Variants in MBOAT2 observed in about 807,000 individuals in gnomAD.
MBOAT2 encodes the protein membrane-bound glycerophospholipid O-acyltransferase 2.
Under a neutral mutation model 63.4 loss-of-function variants are expected in MBOAT2, and 28 were observed. The ratio of observed to expected loss-of-function variants is 0.44; its 90% CI spans 0.33 to 0.61. The LOEUF is 0.61. MBOAT2 is among the 20% of genes least tolerant of loss of function. MBOAT2 has a pLI of 0.03. For missense variants in MBOAT2, 470 were observed against 605.8 expected (o/e 0.78, Z 2.35); for synonymous variants, 211 against 215.6 (o/e 0.98, Z 0.19).
chr2:8,938,408 C>G (rs1353638889), intron 3 of MBOAT2, among the ~76,000 whole-genome samples: 1 of 152,150 alleles, frequency 6.6e-6, no homozygotes, highest in African/African-American at 2.4e-5. Flanking sequence ...ACACTCACAC[C>G]TCACCACCCC....
At chr2:8,980,182 C>T (rs1019825121) in intron 1 of MBOAT2, among the ~76,000 whole-genome samples, 3 of 152,112 alleles carry the variant, frequency 2.0e-5, no homozygotes, top group Non-Finnish European at 4.4e-5. Flanking sequence ...TACTCTTGCC[C>T]TCACATTTCT....
intron 2 of MBOAT2, among the ~76,000 whole-genome samples, chr2:8,951,770 T>C (rs560542210): frequency 3.3e-5 from 5 of 152,206 alleles, no homozygotes; most frequent in South Asian, 2.1e-4. Flanking sequence ...GTGGGATCAG[T>C]TGTAATGTCA....
At chr2:8,912,358 A>G (rs1665812504) in intron 3 of MBOAT2, among the ~76,000 whole-genome samples, 3 of 111,994 alleles carry the variant, frequency 2.7e-5, no homozygotes. Context: ...AAAGAGAAAG[A>G]AAGAAAGAAA....
chr2:8,959,052 C>T lies in MBOAT2; in HGVS notation c.76-410G>A, dbSNP rs545358788. 1.8e-4 allele frequency among the ~76,000 whole-genome samples: 27 copies of T among 152,286 alleles called. 1 individual carries two copies. In the South Asian group the frequency reaches 5.6e-3, roughly 32 times the overall value. ...GGAGCACTAAATTTCTTCGCAAAAG[C>T]TCTGGGAGGGGTCAATGTCCCCAAG... On this transcript the variant is annotated intron_variant, in intron 1 of 12. Transcript: ENST00000305997.
At chr2:8,986,646 C>G (rs1166703145) in intron 1 of MBOAT2, among the ~76,000 whole-genome samples, 2 of 152,120 alleles carry the variant, frequency 1.3e-5, no homozygotes, top group Non-Finnish European at 2.9e-5. Flanking sequence ...CTGTTTCCCC[C>G]CAAAATTCAT....
chr2:8,871,575 T>C (rs968396402), intron 8 of MBOAT2, among the ~76,000 whole-genome samples: 2 of 152,336 alleles, frequency 1.3e-5, no homozygotes, highest in South Asian at 4.1e-4. Context: ...TTTAATTCGG[T>C]ATTATTGATG....
At chr2:8,953,177 T>C (rs1668964351) in intron 2 of MBOAT2, among the ~76,000 whole-genome samples, 1 of 152,192 alleles carries the variant, frequency 6.6e-6, no homozygotes, top group Non-Finnish European at 1.5e-5. Context: ...ATTCCCTTAG[T>C]GCTTGCTTGT....
rs1558607261 is a variant in MBOAT2, at chr2:8,912,419, GGCC to G, written c.300-3706_300-3704del. On this transcript the variant is annotated intron_variant, in intron 3 of 12. Transcript: ENST00000305997. ...AGAAAGAAAGAAAGAAAGAAAGACA[GGCC>G]GGCCGGCCTTGAAAACCCTAAGGAC... is the stretch of plus-strand genomic sequence containing the variant. 1.4e-3 allele frequency among the ~76,000 whole-genome samples: 202 copies of G among 147,910 alleles called. 1 individual carries two copies. Among genetic ancestry groups the G allele is most frequent in the African/African-American group, 4.9e-3 (186 of 38,040 alleles).
rs975770857 is a variant in MBOAT2, at chr2:8,857,719, C to G, written c.*960G>C. The stretch of plus-strand genomic sequence containing the variant: ...AGTATTATTTTCAAAGCCTCTAATT[C>G]TACATAATTTATGCCTGATAAATTT... On this transcript the variant is annotated 3_prime_UTR_variant, in exon 13 of 13. Coordinates refer to ENST00000305997, the MANE Select transcript of MBOAT2 (RefSeq NM_138799.4). 2.0e-5 allele frequency: 3 copies of G among 152,184 alleles called. No individual in the cohort carries two copies. The highest frequency in any genetic ancestry group is 7.2e-5 in the African/African-American group (3 of 41,440). 9.4% of individuals were successfully genotyped at this position (152,184 alleles called of 1,614,324 possible).
rs1661244970 is a variant in MBOAT2, at chr2:8,858,335, C to T, written c.*344G>A. 1 of 198,410 alleles carries T rather than the reference C, an allele frequency of 5.0e-6. No individual in the cohort carries two copies. Among genetic ancestry groups the T allele is most frequent in the East Asian group, 1.2e-4 (1 of 8,242 alleles). The allele number at this position is 198,410 out of a possible 1,614,324, so 12.3% of individuals were successfully genotyped here. On this transcript the variant is annotated 3_prime_UTR_variant, in exon 13 of 13. Coordinates refer to ENST00000305997, the MANE Select transcript of MBOAT2 (RefSeq NM_138799.4). ...TTTGGAAAAGTTAATTTCTCTCTATCATCCAGATTGACACGATTATTTTTC... is the reference window on the plus strand; with the variant it reads ...TTTGGAAAAGTTAATTTCTCTCTATTATCCAGATTGACACGATTATTTTTC...
chr2:8,998,635 G>C (rs1672474936), intron 1 of MBOAT2, among the ~76,000 whole-genome samples: 1 of 151,670 alleles, frequency 6.6e-6, no homozygotes, highest in South Asian at 2.1e-4. Context: ...GGAATATATA[G>C]AAAAGATCAG....
At chr2:8,940,319 T>A (rs1426593464) in intron 3 of MBOAT2, among the ~76,000 whole-genome samples, 1 of 152,094 alleles carries the variant, frequency 6.6e-6, no homozygotes, top group Admixed American at 6.6e-5. Context: ...TGAGATGGAG[T>A]CTCGCTCTGT....
In MBOAT2 at chr2:8,858,727, G is replaced by A. The variant is rs752513515; in HGVS notation, c.1515C>T (p.Cys505=). The A allele has an allele frequency of 3.4e-5, 55 of 1,613,342 alleles. No individual in the cohort carries two copies. The highest frequency in any genetic ancestry group is 4.3e-5 in the Non-Finnish European group (51 of 1,179,922). ...QNSFSTTNNV[C]NQNQEIASRH... ...TCGAGGCTATTTCTTGATTCTGATT[G>A]CAAACATTGTTTGTTGTAGAAAAAC... is the stretch of plus-strand genomic sequence containing the variant. Residue 505 remains cysteine, a synonymous_variant, in exon 13 of 13, where the codon TGC becomes TGT. Transcript: ENST00000305997.
intron 2 of MBOAT2, among the ~76,000 whole-genome samples, chr2:8,951,523 A>G (rs1573146897): frequency 1.3e-5 from 2 of 152,098 alleles, no homozygotes; most frequent in Admixed American, 1.3e-4. Flanking sequence ...TTCTTAGCAC[A>G]TCTAATAGAA....
chr2:8,983,564 T>A (rs1165456286), intron 1 of MBOAT2, among the ~76,000 whole-genome samples: 1 of 152,154 alleles, frequency 6.6e-6, no homozygotes, highest in Non-Finnish European at 1.5e-5. Context: ...TGTTCCAGAC[T>A]TAAGGAGACT....
At chr2:8,905,030 C>T (rs930856455) in intron 4 of MBOAT2, among the ~76,000 whole-genome samples, 6 of 152,152 alleles carry the variant, frequency 3.9e-5, no homozygotes, top group African/African-American at 1.2e-4. Flanking sequence ...TTTCTCCATA[C>T]TCTTGTGCAA....
chr2:8,937,272 G>T (rs1277345274), intron 3 of MBOAT2, among the ~76,000 whole-genome samples: 1 of 152,246 alleles, frequency 6.6e-6, no homozygotes, highest in African/African-American at 2.4e-5. Context: ...TGGGAAGCAG[G>T]AGTTCGAGGG....
At chr2:8,995,860 G>A (rs941405433) in intron 1 of MBOAT2, among the ~76,000 whole-genome samples, 1 of 152,098 alleles carries the variant, frequency 6.6e-6, no homozygotes, top group Non-Finnish European at 1.5e-5. Flanking sequence ...CAAAGTGCTG[G>A]GATTACAGGC....
At chr2:8,878,391 C>T (rs1662855534) in intron 6 of MBOAT2, among the ~76,000 whole-genome samples, 1 of 152,246 alleles carries the variant, frequency 6.6e-6, no homozygotes, top group Admixed American at 6.5e-5. Context: ...CACAACTGCA[C>T]CTGTGGACAG....
Sources: allele counts gnomAD v4.1 joint callset (sites outside exome capture counted in the v4.1 genomes callset), GRCh38; gene constraint gnomAD v4.1.1; transcripts MANE v1.5; gene names NCBI Gene and HGNC (gene_info 2026-07-23, HGNC 2026-07-21).